MARCHF1: variants seen among roughly 807,000 people sequenced by gnomAD.
The protein encoded by MARCHF1 is E3 ubiquitin-protein ligase MARCHF1.
Under a neutral mutation model 54.2 loss-of-function variants are expected in MARCHF1, and 40 were observed. The observed-to-expected ratio is 0.74, with a 90% CI of 0.57 to 0.96. MARCHF1 has a LOEUF of 0.96. MARCHF1 is among the 40% of genes least tolerant of loss of function. The pLI is 0.00. For synonymous variants in MARCHF1, 236 were observed against 236.3 expected (o/e 1.00, Z 0.01); for missense variants, 586 against 656.5 (o/e 0.89, Z 1.17).
chr4:164,009,798 T>C (rs949424374), intron 2 of MARCHF1, among the ~76,000 whole-genome samples: 5 of 151,868 alleles, frequency 3.3e-5, no homozygotes, highest in Non-Finnish European at 7.4e-5. Flanking sequence ...AAGGAATATA[T>C]CTCAAAATAA....
intron 1 of MARCHF1, among the ~76,000 whole-genome samples, chr4:164,346,972 T>C (rs921364245): frequency 6.6e-6 from 1 of 152,120 alleles, no homozygotes; most frequent in Non-Finnish European, 1.5e-5. Context: ...TTAAGACTCA[T>C]ATTTCCAGAC....
At chr4:164,184,149 A>G (rs1335133788) in intron 1 of MARCHF1, among the ~76,000 whole-genome samples, 2 of 152,208 alleles carry the variant, frequency 1.3e-5, no homozygotes, top group African/African-American at 4.8e-5. Context: ...ACAGTGGCAG[A>G]AACTCATAAA....
chr4:163,979,343 C>A (rs1238667638), intron 3 of MARCHF1, among the ~76,000 whole-genome samples: 1 of 149,434 alleles, frequency 6.7e-6, no homozygotes, highest in Non-Finnish European at 1.5e-5. Flanking sequence ...CTACAAAGGA[C>A]ATGAACTCAT....
At position 163,765,185 on chromosome 4, in the gene MARCHF1, G is replaced by A. The variant is rs1215417828; in HGVS notation, c.112-64322C>T. On this transcript the variant is annotated intron_variant, in intron 4 of 9. Transcript: ENST00000514618. ...TGTAGGCTTGGTTTATTGTTTCATT[G>A]ATTGTTAGAATTAAGATAGCAGAGA... 2.6e-5 allele frequency among the ~76,000 whole-genome samples: 4 copies of A among 152,038 alleles called. No homozygotes were observed. In the East Asian group the frequency reaches 5.8e-4, roughly 22 times the overall value.
intron 2 of MARCHF1, among the ~76,000 whole-genome samples, chr4:164,049,867 A>G (rs938544474): frequency 1.3e-5 from 2 of 152,172 alleles, no homozygotes. Flanking sequence ...TAAAAACTCA[A>G]ATGTATATAT....
chr4:164,325,944 G>T (rs752224676), intron 1 of MARCHF1, among the ~76,000 whole-genome samples: 1 of 152,146 alleles, frequency 6.6e-6, no homozygotes, highest in Non-Finnish European at 1.5e-5. Context: ...ACATGGAGCA[G>T]TGGCTATAAC....
chr4:163,929,013 T>C (rs938489849), intron 3 of MARCHF1, among the ~76,000 whole-genome samples: 1 of 151,980 alleles, frequency 6.6e-6, no homozygotes, highest in Non-Finnish European at 1.5e-5. Flanking sequence ...AAAAATAACA[T>C]ATTGTTTATA....
chr4:163,778,683 C>A (rs1726143276), intron 4 of MARCHF1, among the ~76,000 whole-genome samples: 1 of 151,960 alleles, frequency 6.6e-6, no homozygotes, highest in South Asian at 2.1e-4. Flanking sequence ...AAAATAAAAT[C>A]ATATATTTTT....
chr4:163,649,002 A>G (rs1310197229), intron 5 of MARCHF1, among the ~76,000 whole-genome samples: 1 of 151,940 alleles, frequency 6.6e-6, no homozygotes, highest in Non-Finnish European at 1.5e-5. Flanking sequence ...TTTTCTAAAA[A>G]TAATCATGGT....
At chr4:163,847,691 C>T (rs976170954) in intron 4 of MARCHF1, among the ~76,000 whole-genome samples, 3 of 151,570 alleles carry the variant, frequency 2.0e-5, no homozygotes, top group East Asian at 1.9e-4. Context: ...AGCGATTCAC[C>T]TGCCTCAGTC....
intron 5 of MARCHF1, among the ~76,000 whole-genome samples, chr4:163,672,421 A>G (rs2111134539): frequency 6.6e-6 from 1 of 152,302 alleles, no homozygotes; most frequent in Middle Eastern, 3.4e-3. Context: ...CACAAGAAGC[A>G]CTTAATAAAT....
At chr4:164,346,874 G>A (rs532622810) in intron 1 of MARCHF1, among the ~76,000 whole-genome samples, 2 of 151,910 alleles carry the variant, frequency 1.3e-5, no homozygotes, top group South Asian at 4.2e-4. Context: ...AAAAGAGTCA[G>A]GAGTATCCCT....
chr4:163,911,401 G>A (rs1397280306), intron 3 of MARCHF1, among the ~76,000 whole-genome samples: 1 of 152,112 alleles, frequency 6.6e-6, no homozygotes, highest in Non-Finnish European at 1.5e-5. Context: ...CAGAGGAGAG[G>A]TGTGTGCCTG....
At chr4:164,240,615 T>TTAG (rs1732712528) in intron 1 of MARCHF1, among the ~76,000 whole-genome samples, 10 of 152,072 alleles carry the variant, frequency 6.6e-5, no homozygotes, top group Non-Finnish European at 1.5e-5. Context: ...TCCCACCAAC[T>TTAG]GAAACTGCCT....
intron 1 of MARCHF1, among the ~76,000 whole-genome samples, chr4:164,359,995 T>C (rs986447063): frequency 8.5e-5 from 13 of 152,232 alleles, no homozygotes; most frequent in Non-Finnish European, 1.8e-4. Context: ...CATATTCTAG[T>C]AGGCCGTGTG....
chr4:163,935,702 CT>C (rs34331599), intron 3 of MARCHF1, among the ~76,000 whole-genome samples: 42,112 of 126,070 alleles, frequency 0.33, 5,513 homozygotes, highest in Non-Finnish European at 0.38. Flanking sequence ...TGCTTGCTTT[CT>C]TTTTTTTTTT....
chr4:164,068,499 C>G (rs1754780574), intron 2 of MARCHF1, among the ~76,000 whole-genome samples: 1 of 152,122 alleles, frequency 6.6e-6, no homozygotes, highest in African/African-American at 2.4e-5. Context: ...GAGCGGCCGG[C>G]CAGCCCCGCC....
chr4:163,751,805 C>CGTGTGTGTGTGTGT (rs72029488), intron 4 of MARCHF1, among the ~76,000 whole-genome samples: 40 of 124,510 alleles, frequency 3.2e-4, no homozygotes, highest in African/African-American at 9.5e-4. Context: ...CACATGTGCA[C>CGTGTGTGTGTGTGT]GTGTGTGTGT....
intron 2 of MARCHF1, among the ~76,000 whole-genome samples, chr4:164,103,196 G>C (rs1404309597): frequency 1.5e-5 from 1 of 66,506 alleles, no homozygotes; most frequent in Non-Finnish European, 3.6e-5. Context: ...GTCAACATTA[G>C]ACAGATCAAC....
Sources: allele counts gnomAD v4.1 joint callset (sites outside exome capture counted in the v4.1 genomes callset), GRCh38; gene constraint gnomAD v4.1.1; transcripts MANE v1.5; gene names NCBI Gene and HGNC (gene_info 2026-07-23, HGNC 2026-07-21).